GDAP1L1: variants seen among roughly 807,000 people sequenced by gnomAD.
The protein encoded by GDAP1L1 is ganglioside-induced differentiation-associated protein 1-like 1.
GDAP1L1 carries 21 observed loss-of-function variants against 37.1 expected under a neutral mutation model. That is an observed-to-expected ratio of 0.57 (90% CI 0.40 to 0.81). The LOEUF (loss-of-function observed/expected upper bound fraction) is 0.81, where lower values mean the gene tolerates loss of function less well. GDAP1L1 is among the 40% of genes least tolerant of loss of function. The pLI is 0.00. For missense variants in GDAP1L1, 362 were observed against 491.6 expected (o/e 0.74, Z 2.49); for synonymous variants, 193 against 209.1 (o/e 0.92, Z 0.67).
In GDAP1L1 at chr20:44,279,284, A is replaced by C; in HGVS notation, c.1088A>C (p.Lys363Thr). 1 of 1,611,040 alleles carries C rather than the reference A, an allele frequency of 6.2e-7. No individual in the cohort carries two copies. Among genetic ancestry groups the C allele is most frequent in the South Asian group, 1.1e-5 (1 of 90,886 alleles). ...GGCTACTTTGCCTACTGGTACCTCA[A>C]GAAAAAATACATCTAGGGCCAGGCC... ...GMGYFAYWYL[K>T]KKYI The change falls in exon 6 of 6, where the codon AAG (lysine) becomes ACG (threonine). Residue 363 changes from lysine to threonine, a missense_variant. By Grantham distance (78) the Lys-to-Thr change is moderately conservative. Coordinates refer to ENST00000342560, the MANE Select transcript of GDAP1L1 (RefSeq NM_024034.6).
At position 44,264,487 on chromosome 20, in the gene GDAP1L1, A is replaced by G. The variant is rs989124528; in HGVS notation, c.688A>G (p.Ile230Val). Residue 230 changes from isoleucine to valine, a missense_variant, in exon 5 of 6, where the codon ATC becomes GTC. This residue lies in a region of GDAP1L1 where 277 missense variants were observed against 337.1 expected (regional missense o/e 0.82). Coordinates refer to ENST00000342560, the MANE Select transcript of GDAP1L1 (RefSeq NM_024034.6). The stretch of plus-strand genomic sequence containing the variant: ...TGATGATGTGAGCTACCTGAAGAAG[A>G]TCCTCGGGGAACTGGCCATGGTGCT... The part of the protein sequence containing the change: ...EHDDVSYLKK[I>V]LGELAMVLDQ... 20 of 1,548,996 alleles carry G rather than the reference A, an allele frequency of 1.3e-5. No individual in the cohort carries two copies. The highest frequency in any genetic ancestry group is 1.7e-5 in the Non-Finnish European group (20 of 1,147,446).
At position 44,279,753 on chromosome 20, in the gene GDAP1L1, A is replaced by G. The variant is rs62205998; in HGVS notation, c.*453A>G. 4,211 of 472,150 alleles carry G rather than the reference A, an allele frequency of 8.9e-3. 50 individuals carry two copies. The highest frequency in any genetic ancestry group is 0.054 in the East Asian group (783 of 14,392). 29.2% of individuals were successfully genotyped at this position (472,150 alleles called of 1,614,324 possible). On this transcript the variant is annotated 3_prime_UTR_variant, in exon 6 of 6. Transcript: ENST00000342560. ...TCCACAGGACAAAGCCGACATCAAG[A>G]CTCAACTCCTCTAACCGGTACCTCT...
At chr20:44,270,302 C>G (rs1239091165) in intron 5 of GDAP1L1, among the ~76,000 whole-genome samples, 2 of 149,404 alleles carry the variant, frequency 1.3e-5, no homozygotes, top group Non-Finnish European at 3.0e-5. Context: ...TCCCAAGTAG[C>G]TGGGACTACA....
chr20:44,261,744 T>A (rs2073677709), intron 3 of GDAP1L1, among the ~76,000 whole-genome samples: 1 of 152,202 alleles, frequency 6.6e-6, no homozygotes, highest in Non-Finnish European at 1.5e-5. Flanking sequence ...TTAGCGTGTT[T>A]GCGTTCCCTG....
chr20:44,247,327 G>C lies in GDAP1L1; in HGVS notation c.-8G>C, dbSNP rs952126379. 1.9e-6 allele frequency: 3 copies of C among 1,613,094 alleles called. No individual in the cohort carries two copies. The highest frequency in any genetic ancestry group is 1.6e-4 in the Middle Eastern group (1 of 6,082). ...CTCCTTCTTTCCTGCCTCTGATTCC[G>C]GGCTGTCATGGCGACCCCCAACAAT... On this transcript the variant is annotated 5_prime_UTR_variant, in exon 1 of 6. Coordinates refer to ENST00000342560, the MANE Select transcript of GDAP1L1 (RefSeq NM_024034.6).
At position 44,266,863 on chromosome 20, in the gene GDAP1L1, A is replaced by G. The variant is rs999748395; in HGVS notation, c.760+2304A>G. Among the ~76,000 whole-genome samples, 85 of 152,206 alleles carry G rather than the reference A, an allele frequency of 5.6e-4. 1 individual carries two copies. The highest frequency in any genetic ancestry group is 7.3e-5 in the Non-Finnish European group (5 of 68,032). ...CATTCTGAGATTTTAGGAGTGTCCA[A>G]TCTTTTGGCTTCCTTGGGCCACATT... On this transcript the variant is annotated intron_variant, in intron 5 of 5. Coordinates refer to ENST00000342560, the MANE Select transcript of GDAP1L1 (RefSeq NM_024034.6).
chr20:44,279,279 C>T lies in GDAP1L1; in HGVS notation c.1083C>T (p.Tyr361=). 1 of 1,611,670 alleles carries T rather than the reference C, an allele frequency of 6.2e-7. No homozygotes were observed. The highest frequency in any genetic ancestry group is 8.5e-7 in the Non-Finnish European group (1 of 1,178,486). Residue 361 remains tyrosine (Y), a synonymous_variant, in exon 6 of 6, where the codon TAC becomes TAT. Transcript: ENST00000342560. ...LGGMGYFAYW[Y]LKKKYI ...GGATGGGCTACTTTGCCTACTGGTA[C>T]CTCAAGAAAAAATACATCTAGGGCC...
intron 5 of GDAP1L1, among the ~76,000 whole-genome samples, chr20:44,276,437 A>AAAGAAAGAAAGG (rs1207237968): frequency 6.9e-6 from 1 of 145,504 alleles, no homozygotes; most frequent in Non-Finnish European, 1.5e-5. Context: ...AGAAAGAAAG[A>AAAGAAAGAAAGG]AAGAAAGAAA....
At position 44,280,136 on chromosome 20, in the gene GDAP1L1, C is replaced by G. The variant is rs368593121; in HGVS notation, c.*836C>G. The G allele has an allele frequency of 7.2e-6, 2 of 277,538 alleles. No homozygotes were observed. The highest frequency in any genetic ancestry group is 1.4e-5 in the Non-Finnish European group (2 of 141,426). The allele number at this position is 277,538 out of a possible 1,614,324, so 17.2% of individuals were successfully genotyped here. A position where few individuals can be genotyped will look rare whatever the true frequency, so the allele number is the denominator to read the frequency against. On this transcript the variant is annotated 3_prime_UTR_variant, in exon 6 of 6. Transcript: ENST00000342560. ...AGGTGGACAAACCTAGGTCCCCCTC[C>G]TAGCCTCTGTCCAAGCCATCTCCTT... is the stretch of plus-strand genomic sequence containing the variant.
chr20:44,259,025 C>T (rs2073621913), intron 3 of GDAP1L1, among the ~76,000 whole-genome samples: 1 of 151,792 alleles, frequency 6.6e-6, no homozygotes, highest in African/African-American at 2.4e-5. Flanking sequence ...TCTCCCCGCA[C>T]GAGTTTCAGC....
intron 5 of GDAP1L1, among the ~76,000 whole-genome samples, chr20:44,276,397 G>GGAA (rs2146059224): frequency 1.3e-4 from 4 of 29,776 alleles, no homozygotes; most frequent in African/African-American, 6.0e-4. Flanking sequence ...AGAAAAGAAA[G>GGAA]GGAAAGAAAA....
intron 5 of GDAP1L1, chr20:44,265,342 C>T (rs1178063535): frequency 1.0e-6 from 1 of 985,276 alleles, no homozygotes; most frequent in Non-Finnish European, 1.2e-6. Context: ...TGCACACCAT[C>T]TTTGCCACAG....
At chr20:44,276,444 G>GAA (rs140470094) in intron 5 of GDAP1L1, among the ~76,000 whole-genome samples, 1 of 129,092 alleles carries the variant, frequency 7.7e-6, no homozygotes, top group Non-Finnish European at 1.7e-5. Context: ...AAGAAAGAAA[G>GAA]AAAGAAAGAA....
At chr20:44,253,215 C>T (rs185958588) in intron 1 of GDAP1L1, among the ~76,000 whole-genome samples, 36 of 152,310 alleles carry the variant, frequency 2.4e-4, no homozygotes, top group African/African-American at 8.2e-4. Context: ...CCCCCACGGA[C>T]ATGTCAGTTC....
intron 1 of GDAP1L1, among the ~76,000 whole-genome samples, chr20:44,256,134 C>A (rs2073537932): frequency 6.6e-6 from 1 of 152,180 alleles, no homozygotes; most frequent in Non-Finnish European, 1.5e-5. Flanking sequence ...TTTAAGTCTG[C>A]TGCTGAATTG....
chr20:44,258,068 G>C (rs936629098), intron 2 of GDAP1L1: 2 of 680,254 alleles, frequency 2.9e-6, no homozygotes, highest in Non-Finnish European at 2.7e-6. Flanking sequence ...GGGCATCAGG[G>C]CCCAGACATG....
At chr20:44,257,632 A>C (rs1461840920) in intron 2 of GDAP1L1, among the ~76,000 whole-genome samples, 1 of 151,536 alleles carries the variant, frequency 6.6e-6, no homozygotes, top group Non-Finnish European at 1.5e-5. Context: ...GTGGGGCTAT[A>C]GCCCTTTCCC....
chr20:44,258,297 G>T lies in GDAP1L1; in HGVS notation c.374-137G>T, dbSNP rs113296594. ...GGGCCACCACTAGAATCCCCTGTCC[G>T]CCAGCAGCCAAGCCCGAGCATGGGG... is the stretch of plus-strand genomic sequence containing the variant. On this transcript the variant is annotated intron_variant, in intron 2 of 5. Transcript: ENST00000342560. 398 of 850,178 alleles carry T rather than the reference G, an allele frequency of 4.7e-4. 3 individuals are homozygous for T. The African/African-American group carries it at 5.1e-3, about 11-fold the overall frequency. The allele number at this position is 850,178 out of a possible 1,614,324, so 52.7% of individuals were successfully genotyped here.
intron 2 of GDAP1L1, chr20:44,258,065 A>G (rs1600536791): frequency 1.5e-6 from 1 of 674,780 alleles, no homozygotes; most frequent in African/African-American, 1.8e-5. Flanking sequence ...GGAGGGCATC[A>G]GGGCCCAGAC....
Sources: allele counts gnomAD v4.1 joint callset (sites outside exome capture counted in the v4.1 genomes callset), GRCh38; gene constraint gnomAD v4.1.1; regional missense constraint gnomAD v4.1.1; transcripts MANE v1.5; gene names NCBI Gene and HGNC (gene_info 2026-07-23, HGNC 2026-07-21).